The following STOX1 variants were observed in gnomAD, a reference collection of about 807,000 sequenced individuals.
STOX1 encodes storkhead box 1, also known as storkhead-box protein 1.
STOX1 carries 57 observed loss-of-function variants against 74.8 expected under a neutral mutation model. The observed-to-expected ratio is 0.76, with a 90% CI of 0.62 to 0.95. The LOEUF (loss-of-function observed/expected upper bound fraction) is 0.95. STOX1 is among the 40% of genes least tolerant of loss of function. The pLI is 0.00. For synonymous variants in STOX1, 375 were observed against 401.3 expected, an observed-to-expected ratio of 0.93 and a Z score of 0.78; for missense variants, 1,010 against 1,117.0, an observed-to-expected ratio of 0.90 and a Z score of 1.37.
chr10:68,863,059 C>T (rs550305027), intron 1 of STOX1, among the ~76,000 whole-genome samples: 2 of 152,190 alleles, frequency 1.3e-5, no homozygotes, highest in South Asian at 2.1e-4. Flanking sequence ...CTTTCCCAAA[C>T]AGATAGGCCG....
intron 1 of STOX1, among the ~76,000 whole-genome samples, chr10:68,842,686 C>T (rs1342742960): frequency 1.3e-5 from 2 of 151,604 alleles, no homozygotes; most frequent in African/African-American, 4.8e-5. Flanking sequence ...ATCATGGGTA[C>T]CCGCCACCAC....
chr10:68,853,578 G>A (rs553605801), intron 1 of STOX1, among the ~76,000 whole-genome samples: 1 of 152,098 alleles, frequency 6.6e-6, no homozygotes, highest in Non-Finnish European at 1.5e-5. Context: ...ATTTGAAACT[G>A]ACCTGAATGG....
chr10:68,872,342 CTTTTTTTTTTTT>C (rs72451894), intron 1 of STOX1, among the ~76,000 whole-genome samples: 1 of 89,326 alleles, frequency 1.1e-5, no homozygotes, highest in Non-Finnish European at 2.3e-5. Flanking sequence ...TTTTTCTTTT[CTTTTTTTTTTTT>C]TTTTTTTTGA....
At chr10:68,847,997 C>T (rs1230715635) in intron 1 of STOX1, among the ~76,000 whole-genome samples, 3 of 152,214 alleles carry the variant, frequency 2.0e-5, no homozygotes, top group Non-Finnish European at 2.9e-5. Context: ...TCTCAGAGTC[C>T]TGGGATTACA....
chr10:68,840,002 G>A (rs1589216596), intron 1 of STOX1, among the ~76,000 whole-genome samples: 1 of 152,248 alleles, frequency 6.6e-6, no homozygotes, highest in East Asian at 1.9e-4. Context: ...TACAGCAATG[G>A]AACAGGATAG....
At chr10:68,875,703 G>T (rs1840658436) in intron 1 of STOX1, among the ~76,000 whole-genome samples, 1 of 152,152 alleles carries the variant, frequency 6.6e-6, no homozygotes. Flanking sequence ...GAACAATATT[G>T]TTGAGCTATT....
intron 3 of STOX1, among the ~76,000 whole-genome samples, chr10:68,890,086 A>G (rs1196428196): frequency 6.6e-6 from 1 of 151,972 alleles, no homozygotes; most frequent in Non-Finnish European, 1.5e-5. Flanking sequence ...CTGGGATTAC[A>G]GGCGTGAGCC....
intron 2 of STOX1, among the ~76,000 whole-genome samples, chr10:68,883,823 G>A (rs769936413): frequency 2.7e-5 from 4 of 146,404 alleles, no homozygotes; most frequent in Non-Finnish European, 5.9e-5. Flanking sequence ...GAGTACAGTG[G>A]CACAATCATA....
Position 68,886,536 on chromosome 10 carries a change from C to G in STOX1, c.2740C>G (p.Gln914Glu), listed in dbSNP as rs1352627690. Residue 914 changes from glutamine (Q) to glutamate (E), a missense_variant, in exon 3 of 4, where the codon CAG (glutamine) becomes GAG (glutamate). By Grantham distance (29) the Gln-to-Glu change is conservative. Transcript: ENST00000298596. ...CACTTCACATATGCCAGTGTTGGCT[C>G]AGGATGTCCAATATGAACACAGTCA... Reference protein sequence around the residue: ...FNTSHMPVLAQDVQYEHSHLE... With the variant: ...FNTSHMPVLAEDVQYEHSHLE... The G allele has an allele frequency of 6.2e-7, 1 of 1,613,978 alleles. No individual in the cohort carries two copies. Among genetic ancestry groups the G allele is most frequent in the Non-Finnish European group, 8.5e-7 (1 of 1,180,008 alleles).
chr10:68,827,593 G>T lies in STOX1; in HGVS notation c.-31G>T. 8.8e-7 allele frequency: 1 copy of T among 1,131,010 alleles called. No individual in the cohort carries two copies. Among genetic ancestry groups the T allele is most frequent in the Non-Finnish European group, 1.1e-6 (1 of 923,488 alleles). The allele number at this position is 1,131,010 out of a possible 1,614,324, so 70.1% of individuals were successfully genotyped here. A position where few individuals can be genotyped will look rare whatever the true frequency, so the allele number is the denominator to read the frequency against. The stretch of plus-strand genomic sequence containing the variant: ...TAGCCGCCGCGCTCGCCGAGGCCCT[G>T]CGTTGCGGGCTCCCGGCCGCCGGCG... On this transcript the variant is annotated 5_prime_UTR_variant, in exon 1 of 4. Coordinates refer to ENST00000298596, the MANE Select transcript of STOX1 (RefSeq NM_152709.5).
At chr10:68,890,636 T>C (rs962349867) in intron 3 of STOX1, among the ~76,000 whole-genome samples, 1 of 149,936 alleles carries the variant, frequency 6.7e-6, no homozygotes, top group Non-Finnish European at 1.5e-5. Context: ...TTATTGGGGG[T>C]GCAAGACCTT....
In STOX1 at chr10:68,860,314, G is replaced by A. The variant is rs543227541; in HGVS notation, c.311-21644G>A. Among the ~76,000 whole-genome samples, 12 of 151,636 alleles carry A rather than the reference G, an allele frequency of 7.9e-5. No individual in the cohort carries two copies. In the South Asian group the frequency reaches 2.3e-3, roughly 29 times the overall value. ...GGTCCAGGCATGGTGGCTCACACCT[G>A]TAATCTCAGCACTTTGGGAGGCTGA... On this transcript the variant is annotated intron_variant, in intron 1 of 3. Coordinates refer to ENST00000298596, the MANE Select transcript of STOX1 (RefSeq NM_152709.5).
At position 68,827,729 on chromosome 10, in the gene STOX1, G is replaced by A. The variant is rs1463573876; in HGVS notation, c.106G>A (p.Val36Met). ...CGCGGAGGAGCCTGGTGGGCGCGCG[G>A]TGTTCCGCGCTTTCCGTCGCGCCAA... is the stretch of plus-strand genomic sequence containing the variant. ...GAAEEPGGRAVFRAFRRANAR... is the reference protein window; with the variant it reads ...GAAEEPGGRAMFRAFRRANAR... The change falls in exon 1 of 4, where the codon GTG becomes ATG. Residue 36 changes from valine to methionine, a missense_variant. Coordinates refer to ENST00000298596, the MANE Select transcript of STOX1 (RefSeq NM_152709.5). 4.7e-5 allele frequency: 41 copies of A among 864,422 alleles called. No individual in the cohort carries two copies. Among genetic ancestry groups the A allele is most frequent in the Non-Finnish European group, 5.7e-5 (40 of 699,808 alleles). The allele number at this position is 864,422 out of a possible 1,614,324, so 53.5% of individuals were successfully genotyped here.
chr10:68,864,400 G>C (rs754586226), intron 1 of STOX1, among the ~76,000 whole-genome samples: 7 of 152,174 alleles, frequency 4.6e-5, no homozygotes, highest in African/African-American at 7.2e-5. Context: ...AAACAGTTTT[G>C]TGTTAGGAAA....
intron 1 of STOX1, among the ~76,000 whole-genome samples, chr10:68,880,175 TTTTTTTTG>T (rs1840779851): frequency 7.1e-6 from 1 of 141,822 alleles, no homozygotes; most frequent in African/African-American, 2.9e-5. Flanking sequence ...TTTTTTTTTT[TTTTTTTTG>T]TTTTTGTTTT....
Position 68,885,961 on chromosome 10 carries a change from A to C in STOX1, c.2165A>C (p.Gln722Pro). Residue 722 changes from glutamine to proline, a missense_variant, in exon 3 of 4, where the codon CAG becomes CCG. By Grantham distance (76) the Gln-to-Pro change is moderately conservative. Transcript: ENST00000298596. ...QLSNDDQALY[Q>P]NEVEDDDGAC... is the part of the protein sequence containing the mutation. ...TCTAACGATGACCAGGCCTTGTATCAGAATGAAGTGGAAGATGATGATGGT... is the reference window on the plus strand; with the variant it reads ...TCTAACGATGACCAGGCCTTGTATCCGAATGAAGTGGAAGATGATGATGGT... 1 of 1,614,204 alleles carries C rather than the reference A, an allele frequency of 6.2e-7. No individual in the cohort carries two copies. Among genetic ancestry groups the C allele is most frequent in the Non-Finnish European group, 8.5e-7 (1 of 1,180,048 alleles).
intron 1 of STOX1, among the ~76,000 whole-genome samples, chr10:68,866,202 G>A (rs1416403788): frequency 6.6e-6 from 1 of 152,020 alleles, no homozygotes; most frequent in African/African-American, 2.4e-5. Flanking sequence ...AATAGTCCCA[G>A]GTTGTCCATT....
intron 1 of STOX1, among the ~76,000 whole-genome samples, chr10:68,878,100 G>A (rs527338559): frequency 2.0e-5 from 3 of 152,332 alleles, no homozygotes; most frequent in Non-Finnish European, 2.9e-5. Flanking sequence ...TCCAAGTGCA[G>A]TGGGGATGGG....
At chr10:68,878,280 G>A (rs536268466) in intron 1 of STOX1, among the ~76,000 whole-genome samples, 1 of 152,264 alleles carries the variant, frequency 6.6e-6, no homozygotes, top group East Asian at 1.9e-4. Context: ...GTGGGGAGAT[G>A]AAAGCCAAGA....
Sources: gnomAD v4.1 joint callset for allele counts (sites outside exome capture counted in the v4.1 genomes callset) on GRCh38, gnomAD v4.1.1 for gene constraint, MANE v1.5 for transcripts, NCBI Gene and HGNC (gene_info 2026-07-23, HGNC 2026-07-21) for gene names.